Variants in TLE1 observed in about 807,000 individuals in gnomAD.
TLE1 encodes the protein transducin-like enhancer protein 1.
In TLE1, 21 loss-of-function variants were observed where a neutral mutation model predicts 89.8. The observed-to-expected ratio is 0.23, with a 90% confidence interval of 0.17 to 0.34. The LOEUF is 0.34. TLE1 is among the 10% of genes least tolerant of loss of function. The pLI, the probability that TLE1 is intolerant of heterozygous loss-of-function variation, is 1.00. For missense variants in TLE1, 795 were observed against 1,031.2 expected, an observed-to-expected ratio of 0.77 and a Z score of 3.14; for synonymous variants, 447 against 407.6, an observed-to-expected ratio of 1.10 and a Z score of -1.16.
chr9:81,649,748 G>T (rs536181885), intron 6 of TLE1, among the ~76,000 whole-genome samples: 2 of 152,040 alleles, frequency 1.3e-5, no homozygotes, highest in African/African-American at 4.8e-5. Flanking sequence ...ACAGTTTCCC[G>T]GTACCTCCTC....
At chr9:81,667,173 G>A (rs976680260) in intron 4 of TLE1, among the ~76,000 whole-genome samples, 1 of 152,046 alleles carries the variant, frequency 6.6e-6, no homozygotes, top group African/African-American at 2.4e-5. Context: ...AGCATTTCGG[G>A]AGGCCGAGGC....
chr9:81,632,221 C>G (rs183772029), intron 8 of TLE1, among the ~76,000 whole-genome samples: 3 of 151,930 alleles, frequency 2.0e-5, no homozygotes, highest in Admixed American at 6.6e-5. Flanking sequence ...AATTTTTTGT[C>G]CCCCCAATCC....
chr9:81,647,689 C>G (rs190016533), intron 6 of TLE1, among the ~76,000 whole-genome samples: 1 of 152,194 alleles, frequency 6.6e-6, no homozygotes, highest in African/African-American at 2.4e-5. Context: ...GGAAGGTAGA[C>G]GGTATTACCA....
chr9:81,630,725 T>C (rs1177892461), intron 8 of TLE1, among the ~76,000 whole-genome samples: 1 of 152,170 alleles, frequency 6.6e-6, no homozygotes. Flanking sequence ...CCAAGTAAAA[T>C]TAGACTTTCT....
chr9:81,594,208 G>A (rs568370922), intron 14 of TLE1, among the ~76,000 whole-genome samples: 5 of 152,200 alleles, frequency 3.3e-5, no homozygotes, highest in Non-Finnish European at 5.9e-5. Context: ...GTGCTCCTAC[G>A]GCCCCTCTGG....
chr9:81,616,678 C>T lies in TLE1; in HGVS notation c.733G>A (p.Asp245Asn), dbSNP rs1208910631. 1.9e-6 allele frequency: 3 copies of T among 1,614,112 alleles called. No individual in the cohort carries two copies. The highest frequency in any genetic ancestry group is 3.3e-5 in the Admixed American group (2 of 60,018). Residue 245 changes from aspartate to asparagine, a missense_variant, in exon 10 of 20, where the codon GAT becomes AAT. Asp to Asn is a conservative substitution (Grantham distance 23). This residue lies in a region of TLE1 where 468 missense variants were observed against 509.1 expected (regional missense o/e 0.92). Coordinates refer to ENST00000376499, the MANE Select transcript of TLE1 (RefSeq NM_005077.5). ...GACACATCCACAACTAAGTTGTCATCGCTTTTGTCACCATCACTGTCCTGG... is the reference window on the plus strand; with the variant it reads ...GACACATCCACAACTAAGTTGTCATTGCTTTTGTCACCATCACTGTCCTGG... ...SHYDSDGDKS[D>N]DNLVVDVSNE...
At chr9:81,653,412 TAA>T (rs1161852952) in intron 5 of TLE1, among the ~76,000 whole-genome samples, 1 of 152,228 alleles carries the variant, frequency 6.6e-6, no homozygotes, top group Non-Finnish European at 1.5e-5. Flanking sequence ...ATTACTCATA[TAA>T]AGAGATTCCT....
chr9:81,647,623 C>G (rs928772842), intron 6 of TLE1, among the ~76,000 whole-genome samples: 1 of 152,128 alleles, frequency 6.6e-6, no homozygotes, highest in African/African-American at 2.4e-5. Flanking sequence ...CTTAGGGAAA[C>G]CAGGCAGACA....
chr9:81,648,337 A>C (rs1437321912), intron 6 of TLE1, among the ~76,000 whole-genome samples: 1 of 152,122 alleles, frequency 6.6e-6, no homozygotes, highest in Admixed American at 6.6e-5. Flanking sequence ...AAAGAAAAAA[A>C]AAAGCAAATA....
chr9:81,587,589 C>A, intron 17 of TLE1, 92 bp downstream of exon 17: 1 of 1,440,086 alleles, frequency 6.9e-7, no homozygotes, highest in Non-Finnish European at 9.1e-7. Flanking sequence ...CCAGCCACTA[C>A]CATCCTAGGG....
At chr9:81,639,592 T>TG (rs1588080399) in intron 6 of TLE1, among the ~76,000 whole-genome samples, 1 of 148,534 alleles carries the variant, frequency 6.7e-6, no homozygotes, top group African/African-American at 2.5e-5. Context: ...TTTTTTGTTT[T>TG]TTTTTTTTTT....
intron 6 of TLE1, among the ~76,000 whole-genome samples, chr9:81,637,086 G>A (rs1827470601): frequency 6.6e-6 from 1 of 152,080 alleles, no homozygotes; most frequent in Non-Finnish European, 1.5e-5. Context: ...AACTGGGGAA[G>A]GTGGGTCATG....
chr9:81,629,709 C>G (rs143340630), intron 8 of TLE1, among the ~76,000 whole-genome samples: 1 of 152,178 alleles, frequency 6.6e-6, no homozygotes, highest in Non-Finnish European at 1.5e-5. Context: ...AGGCTACAAA[C>G]CTGTACATGT....
chr9:81,632,946 G>A (rs1802280473), intron 8 of TLE1, among the ~76,000 whole-genome samples: 1 of 152,156 alleles, frequency 6.6e-6, no homozygotes, highest in Admixed American at 6.5e-5. Flanking sequence ...GTGATCTCTT[G>A]CCTCTAAAAC....
chr9:81,597,378 G>A (rs1312493944), intron 14 of TLE1, among the ~76,000 whole-genome samples: 1 of 152,162 alleles, frequency 6.6e-6, no homozygotes, highest in Non-Finnish European at 1.5e-5. Flanking sequence ...GGAAGACGCA[G>A]GGTGGGGATC....
intron 4 of TLE1, among the ~76,000 whole-genome samples, chr9:81,656,813 T>TGG (rs1472101283): frequency 6.6e-6 from 1 of 152,244 alleles, no homozygotes; most frequent in Non-Finnish European, 1.5e-5. Flanking sequence ...CATTTAATTT[T>TGG]GCACAATTAA....
intron 6 of TLE1, among the ~76,000 whole-genome samples, chr9:81,643,646 C>T (rs1183060708): frequency 6.6e-6 from 1 of 151,820 alleles, no homozygotes; most frequent in East Asian, 1.9e-4. Context: ...GCAATCCTCC[C>T]ACCTCAACCT....
intron 8 of TLE1, among the ~76,000 whole-genome samples, chr9:81,632,453 C>A (rs928735803): frequency 1.4e-5 from 2 of 147,388 alleles, no homozygotes; most frequent in African/African-American, 5.0e-5. Context: ...AAAAAGTTAT[C>A]AGATTTAAAT....
Position 81,653,849 on chromosome 9 carries a change from A to G in TLE1, c.297+125T>C, listed in dbSNP as rs1443737731. ...GGATAGACTAGCAGGGGGTTTACAC[A>G]CTTCAGCTGTAACAGATGTTCTTCA... On this transcript the variant is annotated intron_variant, in intron 5 of 19. Transcript: ENST00000376499. 3.7e-6 allele frequency: 3 copies of G among 819,734 alleles called. No individual in the cohort carries two copies. The African/African-American group carries it at 5.1e-5, about 14-fold the overall frequency. The allele number at this position is 819,734 out of a possible 1,614,324, so 50.8% of individuals were successfully genotyped here. A position where few individuals can be genotyped will look rare whatever the true frequency, so the allele number is the denominator to read the frequency against.
Sources: allele counts gnomAD v4.1 joint callset (sites outside exome capture counted in the v4.1 genomes callset), GRCh38; gene constraint gnomAD v4.1.1; regional missense constraint gnomAD v4.1.1; transcripts MANE v1.5; gene names NCBI Gene and HGNC (gene_info 2026-07-23, HGNC 2026-07-21).